The following USP48 variants were observed in gnomAD, a reference collection of about 807,000 sequenced individuals.
USP48 encodes ubiquitin carboxyl-terminal hydrolase 48.
In USP48, 43 loss-of-function variants were observed where a neutral mutation model predicts 150.7. The observed-to-expected ratio is 0.29, with a 90% CI of 0.22 to 0.37. USP48 has a LOEUF of 0.37. USP48 is among the 10% of genes least tolerant of loss of function. The probability of loss-of-function intolerance (pLI) is 1.00; values close to 1 mark genes in which losing one functional copy is unlikely to be tolerated. For synonymous variants in USP48, 396 were observed against 425.9 expected (o/e 0.93, Z 0.86); for missense variants, 813 against 1,249.6 (o/e 0.65, Z 5.27).
At chr1:21,755,540 A>G (rs1243538813) in intron 3 of USP48, among the ~76,000 whole-genome samples, 1 of 152,182 alleles carries the variant, frequency 6.6e-6, no homozygotes, top group Non-Finnish European at 1.5e-5. Flanking sequence ...CGAAAAAGTG[A>G]GATCTTGTCT....
chr1:21,755,271 C>T (rs915566110), intron 3 of USP48, among the ~76,000 whole-genome samples: 1 of 147,278 alleles, frequency 6.8e-6, no homozygotes, highest in Non-Finnish European at 1.5e-5. Context: ...CCAGTAAAAG[C>T]TATTCAAGGC....
At chr1:21,741,444 T>C (rs1366020484) in intron 8 of USP48, among the ~76,000 whole-genome samples, 2 of 152,126 alleles carry the variant, frequency 1.3e-5, no homozygotes, top group Non-Finnish European at 2.9e-5. Flanking sequence ...TTAGAGAAAA[T>C]GAATTTCGCA....
chr1:21,687,632 C>T (rs571934003), intron 24 of USP48, among the ~76,000 whole-genome samples: 3 of 152,268 alleles, frequency 2.0e-5, no homozygotes, highest in Non-Finnish European at 4.4e-5. Context: ...TCTCAGAATA[C>T]CAATTAGGTT....
In USP48 at chr1:21,703,570, T is replaced by C. The variant is rs1200721593; in HGVS notation, c.2564A>G (p.Asp855Gly). The change falls in exon 21 of 27, where the codon GAC becomes GGC. Residue 855 changes from aspartate to glycine, a missense_variant. Asp to Gly is a moderately conservative substitution (Grantham distance 94). Transcript: ENST00000308271. ...REGLLCQQQR[D>G]LREYTQATIY... is the part of the protein sequence containing the mutation. ...GGTGGCTTGAGTGTATTCACGCAGG[T>C]CCCTCTGCTGCTGACACAATAAGCC... 1.2e-6 allele frequency: 2 copies of C among 1,611,702 alleles called. No individual in the cohort carries two copies. The highest frequency in any genetic ancestry group is 1.7e-6 in the Non-Finnish European group (2 of 1,179,924).
rs765657659 is a variant in USP48, at chr1:21,715,429, CTCT to C, written c.1920_1922del (p.Glu643del). 10 of 1,587,898 alleles carry C rather than the reference CTCT, an allele frequency of 6.3e-6. No individual in the cohort carries two copies. Among genetic ancestry groups the C allele is most frequent in the African/African-American group, 1.3e-5 (1 of 74,306 alleles). On this transcript the variant is annotated inframe_deletion, in exon 15 of 27. Transcript: ENST00000308271. The stretch of plus-strand genomic sequence containing the variant: ...TATCTTCATTAAAATTTAATTCCTC[CTCT>C]TCTTTTCTTTCTTCCTTTGATTCAT...
rs1287951733 is a variant in USP48 at position 21,695,047 on chromosome 1, G to T, written c.2883+19C>A. 3.1e-6 allele frequency: 5 copies of T among 1,604,500 alleles called. No individual in the cohort carries two copies. The Admixed American group carries it at 6.9e-5, about 22-fold the overall frequency. On this transcript the variant is annotated intron_variant, in intron 23 of 26. Transcript: ENST00000308271. Reference sequence around the variant, plus strand: ...GCCCTTTTAAGTCCAGAGCAAACTTGAACAAATGTTTCCCTCACCTGAATT... The same window carrying T: ...GCCCTTTTAAGTCCAGAGCAAACTTTAACAAATGTTTCCCTCACCTGAATT...
At chr1:21,774,043 G>A (rs948373389) in intron 1 of USP48, among the ~76,000 whole-genome samples, 1 of 152,080 alleles carries the variant, frequency 6.6e-6, no homozygotes, top group Non-Finnish European at 1.5e-5. Flanking sequence ...GGTGGGTATG[G>A]TGGCATGCGC....
At chr1:21,696,336 G>T (rs746252552) in intron 22 of USP48, among the ~76,000 whole-genome samples, 3 of 152,214 alleles carry the variant, frequency 2.0e-5, no homozygotes, top group Non-Finnish European at 4.4e-5. Flanking sequence ...CTACTAGGGG[G>T]CCAAGGCAGG....
chr1:21,729,912 T>C, intron 9 of USP48, 80 bp from the exon 10 acceptor site: 1 of 1,571,762 alleles, frequency 6.4e-7, no homozygotes, highest in Non-Finnish European at 8.7e-7. Flanking sequence ...TAGAAAACAA[T>C]TTCCAAAATA....
At chr1:21,685,206 T>G (rs1194695941) in intron 25 of USP48, among the ~76,000 whole-genome samples, 1 of 152,224 alleles carries the variant, frequency 6.6e-6, no homozygotes, top group Non-Finnish European at 1.5e-5. Flanking sequence ...CATCTTTCAA[T>G]TTCTTACATT....
chr1:21,707,381 C>CCT, intron 15 of USP48, among the ~76,000 whole-genome samples: 1 of 152,256 alleles, frequency 6.6e-6, no homozygotes, highest in South Asian at 2.1e-4. Flanking sequence ...AAGACCACTG[C>CCT]CTTAAGTTAT....
Position 21,757,675 on chromosome 1 carries a change from C to G in USP48, c.243G>C (p.Glu81Asp). Reference sequence around the variant, plus strand: ...AATGATGGTTTACCTTTTTTCTCCTCTCACAGTTGGGATCATCGATGTTAT... The same window carrying G: ...AATGATGGTTTACCTTTTTTCTCCTGTCACAGTTGGGATCATCGATGTTAT... ...SFHNIDDPNC[E>D]RRKKNSFVGL... Residue 81 changes from glutamate (E) to aspartate (D), a missense_variant, in exon 2 of 27, where the codon GAG becomes GAC. Transcript: ENST00000308271. The G allele has an allele frequency of 6.2e-7, 1 of 1,609,302 alleles. No homozygotes were observed. The highest frequency in any genetic ancestry group is 8.5e-7 in the Non-Finnish European group (1 of 1,178,538).
intron 14 of USP48, 61 bp from the exon 15 acceptor site, chr1:21,715,518 A>T (rs964650664): frequency 8.9e-7 from 1 of 1,118,130 alleles, no homozygotes. Context: ...AGTTGAAAGT[A>T]GCAGATATAC....
rs563714151 is a variant in USP48 at position 21,678,403 on chromosome 1, G to A, written c.*1014C>T. On this transcript the variant is annotated 3_prime_UTR_variant, in exon 27 of 27. Coordinates refer to ENST00000308271, the MANE Select transcript of USP48 (RefSeq NM_032236.8). The stretch of plus-strand genomic sequence containing the variant: ...TTGCTAAGAATGATAATCCTGAGTT[G>A]GATGGACAGCACATCCATATACTTT... 6.6e-6 allele frequency: 1 copy of A among 151,322 alleles called. No individual in the cohort carries two copies. The highest frequency in any genetic ancestry group is 1.5e-5 in the Non-Finnish European group (1 of 67,928). The allele number at this position is 151,322 out of a possible 1,614,324, so 9.4% of individuals were successfully genotyped here.
chr1:21,774,011 T>G (rs1451936554), intron 1 of USP48, among the ~76,000 whole-genome samples: 1 of 151,838 alleles, frequency 6.6e-6, no homozygotes, highest in Non-Finnish European at 1.5e-5. Context: ...GTGTGGTGGC[T>G]CTACTAAAAA....
At chr1:21,704,436 T>C in intron 19 of USP48, 44 bp from the exon 20 acceptor site, 1 of 1,553,104 alleles carries the variant, frequency 6.4e-7, no homozygotes. Context: ...CACATGGAAA[T>C]TAAGAGAATT....
At chr1:21,747,020 T>C in intron 8 of USP48, 47 bp downstream of exon 8, 2 of 1,424,566 alleles carry the variant, frequency 1.4e-6, no homozygotes, top group Middle Eastern at 1.9e-4. Context: ...GATCACAAGT[T>C]AGAGTCTCTG....
At chr1:21,684,371 T>G (rs2097575090) in intron 25 of USP48, among the ~76,000 whole-genome samples, 1 of 152,230 alleles carries the variant, frequency 6.6e-6, no homozygotes, top group Admixed American at 6.5e-5. Context: ...ATTTCCCTGA[T>G]GATTAGTGAT....
intron 19 of USP48, 94 bp downstream of exon 19, chr1:21,705,633 G>A: frequency 2.2e-6 from 2 of 928,738 alleles, no homozygotes; most frequent in South Asian, 2.0e-5. Context: ...TCTTAAAACA[G>A]ACTATGTCAG....
Sources: gnomAD v4.1 joint callset for allele counts (sites outside exome capture counted in the v4.1 genomes callset) on GRCh38, gnomAD v4.1.1 for gene constraint, MANE v1.5 for transcripts, NCBI Gene and HGNC (gene_info 2026-07-23, HGNC 2026-07-21) for gene names.